Variants in ANKFN1 observed in about 807,000 individuals in gnomAD.
ANKFN1 encodes the protein ankyrin repeat and fibronectin type-III domain-containing protein 1.
ANKFN1 carries 74 observed loss-of-function variants against 108.7 expected under a neutral mutation model. The ratio of observed to expected loss-of-function variants is 0.68; its 90% CI spans 0.56 to 0.83. The LOEUF is 0.83. Among genes scored for constraint, ANKFN1 ranks in the 40% least tolerant of loss-of-function variants. ANKFN1 has a pLI of 0.00. For missense variants in ANKFN1, 1,505 were observed against 1,382.3 expected (o/e 1.09, Z -1.41); for synonymous variants, 547 against 516.2 (o/e 1.06, Z -0.81).
At chr17:56,243,849 A>T (rs2144017177) in intron 3 of ANKFN1, among the ~76,000 whole-genome samples, 1 of 152,132 alleles carries the variant, frequency 6.6e-6, no homozygotes, top group East Asian at 1.9e-4. Flanking sequence ...GTGTTTCAAG[A>T]ATGTTAGGTT....
chr17:56,091,742 C>A (rs1055271266), intron 4 of ANKFN1, among the ~76,000 whole-genome samples: 7 of 151,408 alleles, frequency 4.6e-5, no homozygotes, highest in African/African-American at 1.7e-4. Context: ...TTGACCTAAG[C>A]TAAAGCAGCC....
At position 56,516,686 on chromosome 17, in the gene ANKFN1, A is replaced by T. The variant is rs2051926223; in HGVS notation, c.*5417A>T. On this transcript the variant is annotated 3_prime_UTR_variant, in exon 21 of 21. Coordinates refer to ENST00000682825, the MANE Select transcript of ANKFN1 (RefSeq NM_001370326.1). Reference sequence around the variant, plus strand: ...GGTAAAATGTATGCCTCTTCAACCTACCAATTTATAAGAGGTCAGGGATAA... The same window carrying T: ...GGTAAAATGTATGCCTCTTCAACCTTCCAATTTATAAGAGGTCAGGGATAA... Among the ~76,000 whole-genome samples the T allele has an allele frequency of 6.6e-6, 1 of 152,196 alleles. No individual in the cohort carries two copies. The highest frequency in any genetic ancestry group is 1.5e-5 in the Non-Finnish European group (1 of 68,026).
At chr17:56,214,978 T>A (rs889277947) in intron 2 of ANKFN1, among the ~76,000 whole-genome samples, 1 of 152,228 alleles carries the variant, frequency 6.6e-6, no homozygotes, top group Non-Finnish European at 1.5e-5. Flanking sequence ...TTTCCTTTCA[T>A]AACCAAGTTA....
intron 4 of ANKFN1, among the ~76,000 whole-genome samples, chr17:56,343,764 A>G (rs1479548873): frequency 1.3e-5 from 2 of 151,652 alleles, no homozygotes; most frequent in Non-Finnish European, 2.9e-5. Context: ...ACATTTCTTC[A>G]TATTTTTTCA....
At chr17:56,380,615 A>G (rs4508473) in intron 8 of ANKFN1, among the ~76,000 whole-genome samples, 115,073 of 152,156 alleles carry the variant, frequency 0.76, 43,719 homozygotes, top group East Asian at 0.96. Context: ...CTTAAAAAAC[A>G]GCGCACCAGG....
chr17:56,066,215 G>T (rs1905056443), intron 4 of ANKFN1, among the ~76,000 whole-genome samples: 1 of 152,232 alleles, frequency 6.6e-6, no homozygotes, highest in African/African-American at 2.4e-5. Flanking sequence ...AGTGCTCAAA[G>T]GCAAGTTCCT....
At chr17:56,058,021 A>T (rs1027930028) in intron 4 of ANKFN1, among the ~76,000 whole-genome samples, 1 of 152,214 alleles carries the variant, frequency 6.6e-6, no homozygotes, top group Non-Finnish European at 1.5e-5. Context: ...TTAGTACACC[A>T]TGCCGTACAC....
chr17:56,416,438 C>A (rs1369779784), intron 8 of ANKFN1, among the ~76,000 whole-genome samples: 10 of 152,112 alleles, frequency 6.6e-5, no homozygotes, highest in Non-Finnish European at 1.5e-4. Flanking sequence ...AAATGAAAAA[C>A]AGGCATATTA....
chr17:56,157,061 A>G (rs977882732), intron 1 of ANKFN1, among the ~76,000 whole-genome samples: 1 of 152,242 alleles, frequency 6.6e-6, no homozygotes, highest in African/African-American at 2.4e-5. Context: ...TAGGTCTCCA[A>G]AACAGTGGGA....
intron 1 of ANKFN1, among the ~76,000 whole-genome samples, chr17:56,183,500 G>T (rs909787089): frequency 1.3e-5 from 2 of 152,154 alleles, no homozygotes; most frequent in African/African-American, 4.8e-5. Flanking sequence ...TTGGTAATGA[G>T]TGAGTTCTCT....
intron 4 of ANKFN1, among the ~76,000 whole-genome samples, chr17:56,332,565 A>G (rs1225509959): frequency 6.6e-6 from 1 of 152,102 alleles, no homozygotes; most frequent in African/African-American, 2.4e-5. Flanking sequence ...TTCCTATTGA[A>G]TTACCTTGAC....
At chr17:56,277,583 G>A (rs1488681744) in intron 3 of ANKFN1, among the ~76,000 whole-genome samples, 2 of 152,044 alleles carry the variant, frequency 1.3e-5, no homozygotes, top group East Asian at 3.9e-4. Flanking sequence ...TACAGAGGAT[G>A]TCATTAAAGA....
chr17:56,081,011 T>C (rs1289208709), intron 4 of ANKFN1, among the ~76,000 whole-genome samples: 1 of 152,180 alleles, frequency 6.6e-6, no homozygotes. Context: ...GCAACTCACA[T>C]CCAGTGATGC....
chr17:56,158,240 C>T (rs1909296706), intron 1 of ANKFN1, among the ~76,000 whole-genome samples: 1 of 152,200 alleles, frequency 6.6e-6, no homozygotes, highest in African/African-American at 2.4e-5. Context: ...CAGTGGTTAT[C>T]TTGCCTAATT....
At chr17:56,156,740 C>T (rs953928542) in intron 1 of ANKFN1, among the ~76,000 whole-genome samples, 2 of 152,158 alleles carry the variant, frequency 1.3e-5, no homozygotes, top group African/African-American at 2.4e-5. Flanking sequence ...CTTTCTTTTA[C>T]GCTTAGAGTT....
intron 2 of ANKFN1, among the ~76,000 whole-genome samples, chr17:56,216,139 A>G (rs929136190): frequency 2.0e-5 from 3 of 152,238 alleles, no homozygotes; most frequent in Non-Finnish European, 4.4e-5. Flanking sequence ...TGAAGCCTTC[A>G]TAATATTTTG....
chr17:56,108,358 C>T (rs1469024769), intron 4 of ANKFN1, among the ~76,000 whole-genome samples: 1 of 152,152 alleles, frequency 6.6e-6, no homozygotes, highest in East Asian at 1.9e-4. Flanking sequence ...CATTACATGC[C>T]TACACGTTGA....
intron 3 of ANKFN1, among the ~76,000 whole-genome samples, chr17:56,291,961 C>A (rs874988): frequency 0.44 from 66,552 of 151,972 alleles, 14,709 homozygotes; most frequent in Middle Eastern, 0.63. Flanking sequence ...AAGTTTATGA[C>A]AAATTTTTAT....
At chr17:56,073,283 C>T (rs1001411273) in intron 4 of ANKFN1, among the ~76,000 whole-genome samples, 4 of 152,202 alleles carry the variant, frequency 2.6e-5, no homozygotes, top group African/African-American at 7.2e-5. Flanking sequence ...TGAGCCACCG[C>T]GCCCGGCCTA....
Sources: gnomAD v4.1 joint callset for allele counts (sites outside exome capture counted in the v4.1 genomes callset) on GRCh38, gnomAD v4.1.1 for gene constraint, MANE v1.5 for transcripts, NCBI Gene and HGNC (gene_info 2026-07-23, HGNC 2026-07-21) for gene names.